KCNIP4: variants seen among roughly 807,000 people sequenced by gnomAD.
KCNIP4 encodes Kv channel-interacting protein 4.
In KCNIP4, 12 loss-of-function variants were observed where a neutral mutation model predicts 34.0. The observed-to-expected ratio is 0.35, with a 90% CI of 0.23 to 0.57. KCNIP4 has a LOEUF of 0.57. KCNIP4 is among the 20% of genes least tolerant of loss of function. The pLI, the probability that KCNIP4 is intolerant of heterozygous loss-of-function variation, is 0.83. For synonymous variants in KCNIP4, 124 were observed against 102.2 expected (o/e 1.21, Z -1.29); for missense variants, 238 against 311.7 (o/e 0.76, Z 1.78).
chr4:20,748,687 C>G (rs1752967000), intron 5 of KCNIP4, among the ~76,000 whole-genome samples: 1 of 146,600 alleles, frequency 6.8e-6, no homozygotes, highest in Non-Finnish European at 1.5e-5. Context: ...ACTTCTGAGA[C>G]CAAGCACAAC....
intron 1 of KCNIP4, among the ~76,000 whole-genome samples, chr4:21,136,595 G>T (rs1751516139): frequency 6.6e-6 from 1 of 151,962 alleles, no homozygotes; most frequent in Non-Finnish European, 1.5e-5. Flanking sequence ...CCTCCATTAG[G>T]TACCTCTCAA....
chr4:21,318,877 T>C (rs1224096188), intron 1 of KCNIP4, among the ~76,000 whole-genome samples: 1 of 152,056 alleles, frequency 6.6e-6, no homozygotes, highest in Non-Finnish European at 1.5e-5. Flanking sequence ...GAGAAATTAT[T>C]TGAAAGGGAA....
Position 21,451,309 on chromosome 4 carries a change from G to T in KCNIP4, c.61+497262C>A, listed in dbSNP as rs113747368. Among the ~76,000 whole-genome samples, 536 of 152,188 alleles carry T rather than the reference G, an allele frequency of 3.5e-3. 6 individuals carry two copies. The highest frequency in any genetic ancestry group is 0.012 in the African/African-American group (514 of 41,512). Reference sequence around the variant, plus strand: ...GAAATGTCAGTGGTAAGACACAGTGGTTTATGTCATTTGTAAAATATGATC... The same window carrying T: ...GAAATGTCAGTGGTAAGACACAGTGTTTTATGTCATTTGTAAAATATGATC... On this transcript the variant is annotated intron_variant, in intron 1 of 8. Transcript: ENST00000382152.
chr4:20,758,641 A>G (rs563073588), intron 4 of KCNIP4, among the ~76,000 whole-genome samples, 180 bp downstream of exon 4: 35 of 152,338 alleles, frequency 2.3e-4, no homozygotes, highest in African/African-American at 8.2e-4. Context: ...TGGATATTTG[A>G]TAATTTCTAA....
At chr4:21,018,032 C>A (rs374288129) in intron 1 of KCNIP4, among the ~76,000 whole-genome samples, 14 of 152,078 alleles carry the variant, frequency 9.2e-5, no homozygotes, top group Admixed American at 2.6e-4. Flanking sequence ...ACGGATGTAC[C>A]ACCTAATGTC....
chr4:21,131,042 A>G (rs7685783), intron 1 of KCNIP4, among the ~76,000 whole-genome samples: 103,178 of 152,036 alleles, frequency 0.68, 35,515 homozygotes, highest in African/African-American at 0.77. Context: ...AAAATCCTAA[A>G]TTGAACCATT....
intron 1 of KCNIP4, among the ~76,000 whole-genome samples, chr4:21,626,552 G>A (rs1005268392): frequency 4.0e-5 from 6 of 151,858 alleles, no homozygotes; most frequent in Non-Finnish European, 8.8e-5. Flanking sequence ...AATTTCTGTT[G>A]TTTAAGCTAC....
intron 1 of KCNIP4, among the ~76,000 whole-genome samples, chr4:21,177,860 A>T (rs899431602): frequency 2.8e-5 from 4 of 144,798 alleles, no homozygotes; most frequent in African/African-American, 1.0e-4. Context: ...AAAAAAAATT[A>T]TATATATATA....
At chr4:21,477,983 T>C (rs1993683) in intron 1 of KCNIP4, among the ~76,000 whole-genome samples, 3,767 of 152,304 alleles carry the variant, frequency 0.025, 290 homozygotes, top group East Asian at 0.16. Context: ...CAAAAATCTA[T>C]CTTCAATGTA....
intron 1 of KCNIP4, among the ~76,000 whole-genome samples, chr4:21,464,365 C>T (rs1193551267): frequency 6.6e-6 from 1 of 151,906 alleles, no homozygotes; most frequent in Non-Finnish European, 1.5e-5. Context: ...ACTGTGTAAG[C>T]TACATTCTAT....
chr4:21,136,381 C>G (rs930724818), intron 1 of KCNIP4, among the ~76,000 whole-genome samples: 1 of 152,268 alleles, frequency 6.6e-6, no homozygotes, highest in East Asian at 1.9e-4. Flanking sequence ...AAAGTACACA[C>G]GCACAATCTT....
chr4:21,419,581 A>T (rs188979394), intron 1 of KCNIP4, among the ~76,000 whole-genome samples: 1 of 152,322 alleles, frequency 6.6e-6, no homozygotes, highest in Admixed American at 6.5e-5. Context: ...TAGGTACAGT[A>T]CTTAGTATGG....
chr4:21,450,163 G>A (rs1728390483), intron 1 of KCNIP4, among the ~76,000 whole-genome samples: 1 of 152,076 alleles, frequency 6.6e-6, no homozygotes, highest in African/African-American at 2.4e-5. Context: ...AGATGAGAAA[G>A]TCTTCAGAAA....
chr4:20,968,423 C>T (rs1455376449), intron 1 of KCNIP4, among the ~76,000 whole-genome samples: 1 of 152,118 alleles, frequency 6.6e-6, no homozygotes, highest in Non-Finnish European at 1.5e-5. Context: ...GATCCCATTA[C>T]TAGGTATATA....
chr4:20,951,838 A>T (rs1054096106), intron 1 of KCNIP4, among the ~76,000 whole-genome samples: 2 of 152,210 alleles, frequency 1.3e-5, no homozygotes, highest in African/African-American at 4.8e-5. Flanking sequence ...ATGACCAGTC[A>T]AAAACCATGT....
intron 1 of KCNIP4, among the ~76,000 whole-genome samples, chr4:21,253,605 C>T (rs1760867721): frequency 6.6e-6 from 1 of 152,184 alleles, no homozygotes; most frequent in Admixed American, 6.5e-5. Context: ...GTTAAAATTA[C>T]ATAGCCATTC....
chr4:21,798,426 T>TATATA (rs55661046), intron 1 of KCNIP4, among the ~76,000 whole-genome samples: 2 of 143,242 alleles, frequency 1.4e-5, no homozygotes, highest in Non-Finnish European at 3.0e-5. Flanking sequence ...TATATATATA[T>TATATA]TTGCTGGGTG....
chr4:21,692,820 T>C (rs1429139831), intron 1 of KCNIP4, among the ~76,000 whole-genome samples: 1 of 144,218 alleles, frequency 6.9e-6, no homozygotes, highest in Non-Finnish European at 1.5e-5. Context: ...AAATAGAAAA[T>C]CCTGTCATTT....
chr4:21,668,126 C>A (rs1279805802), intron 1 of KCNIP4, among the ~76,000 whole-genome samples: 1 of 152,106 alleles, frequency 6.6e-6, no homozygotes, highest in Non-Finnish European at 1.5e-5. Flanking sequence ...CAAACAAACA[C>A]AGGAACAGAA....
Sources: allele counts gnomAD v4.1 joint callset (sites outside exome capture counted in the v4.1 genomes callset), GRCh38; gene constraint gnomAD v4.1.1; transcripts MANE v1.5; gene names NCBI Gene and HGNC (gene_info 2026-07-23, HGNC 2026-07-21).